Variants in LRRC8D observed in about 807,000 individuals in gnomAD.
LRRC8D encodes leucine rich repeat containing 8 VRAC subunit D, also known as volume-regulated anion channel subunit LRRC8D.
In LRRC8D, 20 loss-of-function variants were observed where a neutral mutation model predicts 55.8. That is an observed-to-expected ratio of 0.36 (90% confidence interval 0.25 to 0.52). The LOEUF (loss-of-function observed/expected upper bound fraction) is 0.52, where lower values mean the gene tolerates loss of function less well. LRRC8D is among the 20% of genes least tolerant of loss of function. The probability of loss-of-function intolerance (pLI) is 0.93; values close to 1 mark genes in which losing one functional copy is unlikely to be tolerated. For synonymous variants in LRRC8D, 352 were observed against 377.0 expected, an observed-to-expected ratio of 0.93 and a Z score of 0.77; for missense variants, 651 against 1,030.8, an observed-to-expected ratio of 0.63 and a Z score of 5.05.
intron 2 of LRRC8D, among the ~76,000 whole-genome samples, chr1:89,910,043 C>A (rs1663097739): frequency 6.6e-6 from 1 of 152,030 alleles, no homozygotes; most frequent in Admixed American, 6.5e-5. Context: ...ACCAGTAGGC[C>A]TAAGTGAGTT....
At chr1:89,835,760 T>G (rs1401048949) in intron 1 of LRRC8D, among the ~76,000 whole-genome samples, 1 of 152,232 alleles carries the variant, frequency 6.6e-6, no homozygotes, top group Non-Finnish European at 1.5e-5. Flanking sequence ...TATAAAATGC[T>G]TAGAACAGTT....
chr1:89,829,133 G>A (rs1377087136), intron 1 of LRRC8D, among the ~76,000 whole-genome samples: 1 of 152,184 alleles, frequency 6.6e-6, no homozygotes, highest in Non-Finnish European at 1.5e-5. Flanking sequence ...GCTTGCAATG[G>A]CACTCTACTG....
chr1:89,901,774 C>G (rs186263740), intron 2 of LRRC8D, among the ~76,000 whole-genome samples: 95 of 152,318 alleles, frequency 6.2e-4, no homozygotes, highest in African/African-American at 2.0e-3. Flanking sequence ...CAGACCTTAG[C>G]TGGACTTTCT....
intron 2 of LRRC8D, among the ~76,000 whole-genome samples, chr1:89,873,952 T>C (rs1268694333): frequency 1.3e-5 from 2 of 152,222 alleles, no homozygotes; most frequent in Non-Finnish European, 2.9e-5. Context: ...CAGGAAATGC[T>C]TGTTCATAGA....
At chr1:89,837,403 G>A (rs1158598061) in intron 1 of LRRC8D, among the ~76,000 whole-genome samples, 1 of 152,164 alleles carries the variant, frequency 6.6e-6, no homozygotes, top group Admixed American at 6.5e-5. Context: ...TTCTTCTGCT[G>A]TATTTATGGC....
chr1:89,866,128 A>G (rs1449459112), intron 2 of LRRC8D, among the ~76,000 whole-genome samples: 1 of 152,182 alleles, frequency 6.6e-6, no homozygotes, highest in Non-Finnish European at 1.5e-5. Context: ...ATTATGTATC[A>G]AGTCTGCCTC....
intron 2 of LRRC8D, among the ~76,000 whole-genome samples, chr1:89,905,895 A>G (rs1662977561): frequency 6.6e-6 from 1 of 152,114 alleles, no homozygotes; most frequent in African/African-American, 2.4e-5. Flanking sequence ...ACATGAAGAG[A>G]GTGAGTAAGT....
Position 89,934,745 on chromosome 1 carries a change from C to G in LRRC8D, c.1677C>G (p.Leu559=), listed in dbSNP as rs1663793930. 6.2e-7 allele frequency: 1 copy of G among 1,613,958 alleles called. No individual in the cohort carries two copies. Among genetic ancestry groups the G allele is most frequent in the African/African-American group, 1.3e-5 (1 of 74,898 alleles). Reference sequence around the variant, plus strand: ...AAATTCCTGCCTGGGTGTATTTGCTCAAAAACCTTCGAGAGTTGTACTTAA... The same window carrying G: ...AAATTCCTGCCTGGGTGTATTTGCTGAAAAACCTTCGAGAGTTGTACTTAA... The part of the protein sequence containing the change: ...VAEIPAWVYL[L]KNLRELYLIG... Residue 559 remains leucine, a synonymous_variant, in exon 3 of 3, where the codon CTC becomes CTG. Transcript: ENST00000337338. This position sits in a 1 kb window ranked among gnomAD's most constrained non-coding sequence, Gnocchi z 5.9.
At chr1:89,880,096 C>T (rs769411123) in intron 2 of LRRC8D, among the ~76,000 whole-genome samples, 6 of 151,008 alleles carry the variant, frequency 4.0e-5, no homozygotes, top group Non-Finnish European at 7.4e-5. Flanking sequence ...CATGTCTCTA[C>T]GACGTTTGGT....
intron 2 of LRRC8D, among the ~76,000 whole-genome samples, chr1:89,899,574 T>G (rs765818685): frequency 1.3e-5 from 2 of 152,268 alleles, no homozygotes; most frequent in African/African-American, 2.4e-5. Context: ...TCACCTTAGC[T>G]GATCATCATT....
chr1:89,919,742 C>A (rs577944465), intron 2 of LRRC8D, among the ~76,000 whole-genome samples: 32 of 152,304 alleles, frequency 2.1e-4, no homozygotes, highest in African/African-American at 5.8e-4. Context: ...ACTAATGAAA[C>A]TATTGTCATT....
At chr1:89,927,279 C>T (rs929361635) in intron 2 of LRRC8D, among the ~76,000 whole-genome samples, 3 of 152,232 alleles carry the variant, frequency 2.0e-5, no homozygotes, top group Non-Finnish European at 4.4e-5. Flanking sequence ...GCTGTTTCTG[C>T]GGCAGCTTCT....
In LRRC8D at chr1:89,882,956, G is replaced by A. The variant is rs1256412382; in HGVS notation, c.-3+39174G>A. Reference sequence around the variant, plus strand: ...ATGTGGAGAGATTAGGAGGGAGGACGAGGGCAGATAGTGGATGGGGCTTCA... The same window carrying A: ...ATGTGGAGAGATTAGGAGGGAGGACAAGGGCAGATAGTGGATGGGGCTTCA... On this transcript the variant is annotated intron_variant, in intron 2 of 2. Coordinates refer to ENST00000337338, the MANE Select transcript of LRRC8D (RefSeq NM_001134479.2). 2.0e-5 allele frequency among the ~76,000 whole-genome samples: 3 copies of A among 152,158 alleles called. No homozygotes were observed. In the East Asian group the frequency reaches 5.8e-4, roughly 29 times the overall value.
intron 2 of LRRC8D, among the ~76,000 whole-genome samples, chr1:89,905,052 G>T (rs1371644731): frequency 6.6e-6 from 1 of 150,788 alleles, no homozygotes; most frequent in Non-Finnish European, 1.5e-5. Flanking sequence ...AAAATAGTTG[G>T]TTGTAAAAAT....
chr1:89,927,251 C>T (rs960018416), intron 2 of LRRC8D, among the ~76,000 whole-genome samples: 4 of 152,280 alleles, frequency 2.6e-5, no homozygotes, highest in Non-Finnish European at 4.4e-5. Context: ...TGTCATGTCA[C>T]AGCACATTCC....
chr1:89,914,336 C>G (rs959511102), intron 2 of LRRC8D, among the ~76,000 whole-genome samples: 4 of 152,230 alleles, frequency 2.6e-5, no homozygotes, highest in African/African-American at 9.6e-5. Context: ...CCGCTCACGC[C>G]TCTGCCTCCA....
intron 2 of LRRC8D, among the ~76,000 whole-genome samples, chr1:89,910,580 A>C (rs1168042441): frequency 6.6e-6 from 1 of 151,928 alleles, no homozygotes; most frequent in African/African-American, 2.4e-5. Flanking sequence ...ATTTAATTTG[A>C]GTTAATCTCT....
chr1:89,844,627 C>T (rs1333100980), intron 2 of LRRC8D, among the ~76,000 whole-genome samples: 1 of 152,224 alleles, frequency 6.6e-6, no homozygotes, highest in East Asian at 1.9e-4. Context: ...ACTTTCACTT[C>T]CACATCGTGT....
At chr1:89,901,836 G>A (rs761475999) in intron 2 of LRRC8D, among the ~76,000 whole-genome samples, 9 of 152,186 alleles carry the variant, frequency 5.9e-5, no homozygotes, top group Non-Finnish European at 1.3e-4. Context: ...TTGGAGGAAC[G>A]CTATAATCTT....
Sources: allele counts gnomAD v4.1 joint callset (sites outside exome capture counted in the v4.1 genomes callset), GRCh38; gene constraint gnomAD v4.1.1; non-coding constraint Gnocchi (gnomAD v3.1); transcripts MANE v1.5; gene names NCBI Gene and HGNC (gene_info 2026-07-23, HGNC 2026-07-21).